The following IMPG2 variants were observed in gnomAD, a reference collection of about 807,000 sequenced individuals.
The protein encoded by IMPG2 is interphotoreceptor matrix proteoglycan 2, also known as IPM 200.
A neutral mutation model predicts 129.2 loss-of-function variants in IMPG2; 91 were observed. The ratio of observed to expected loss-of-function variants is 0.70; its 90% CI spans 0.59 to 0.84. The LOEUF is 0.84. Ranked by LOEUF, IMPG2 falls within the 40% of genes least tolerant of loss-of-function variation. IMPG2 has a pLI of 0.00. For synonymous variants in IMPG2, 510 were observed against 517.7 expected (o/e 0.99, Z 0.20); for missense variants, 1,430 against 1,461.7 (o/e 0.98, Z 0.35).
chr3:101,228,668 C>A, intron 18 of IMPG2, 129 bp downstream of exon 18: 2 of 750,354 alleles, frequency 2.7e-6, no homozygotes, highest in Admixed American at 2.1e-5. Context: ...AAGAACTCAA[C>A]AAATGTTGGT....
rs1359427378 is a variant in IMPG2, at chr3:101,232,938, G to A, written c.3076C>T (p.Leu1026=). ...GCTTCTCCACTCCAGGGGTTGACCAGACACTCTGAAAATTCATTACAGGCC... is the reference window on the plus strand; with the variant it reads ...GCTTCTCCACTCCAGGGGTTGACCAAACACTCTGAAAATTCATTACAGGCC... The part of the protein sequence containing the change: ...FQACNEFSEC[L]VNPWSGEAKC... The change falls in exon 15 of 19, where the codon CTG becomes TTG. Residue 1026 remains leucine, a synonymous_variant. Coordinates refer to ENST00000193391, the MANE Select transcript of IMPG2 (RefSeq NM_016247.4). 3.7e-6 allele frequency: 6 copies of A among 1,614,014 alleles called. No homozygotes were observed. The highest frequency in any genetic ancestry group is 5.1e-6 in the Non-Finnish European group (6 of 1,180,020).
intron 14 of IMPG2, among the ~76,000 whole-genome samples, chr3:101,242,023 C>T (rs1327326085): frequency 6.6e-6 from 1 of 150,530 alleles, no homozygotes; most frequent in Non-Finnish European, 1.5e-5. Flanking sequence ...GAGTGAAACA[C>T]CATCTCAAAA....
chr3:101,312,296 A>G (rs1043427036), intron 2 of IMPG2, among the ~76,000 whole-genome samples: 3 of 152,158 alleles, frequency 2.0e-5, no homozygotes, highest in African/African-American at 7.2e-5. Flanking sequence ...AGGGATTTAT[A>G]GCCAGAATAA....
intron 3 of IMPG2, among the ~76,000 whole-genome samples, chr3:101,303,595 G>A (rs574028679): frequency 6.6e-6 from 1 of 152,328 alleles, no homozygotes; most frequent in East Asian, 1.9e-4. Flanking sequence ...AAAGGGAAAA[G>A]TGGCAGGTAA....
intron 9 of IMPG2, among the ~76,000 whole-genome samples, chr3:101,260,959 T>C (rs1247281590): frequency 2.0e-5 from 3 of 152,188 alleles, no homozygotes; most frequent in Admixed American, 6.6e-5. Flanking sequence ...ATTGAATTTA[T>C]GCCACTTAAA....
intron 14 of IMPG2, 73 bp downstream of exon 14, chr3:101,242,615 C>A (rs1339756128): frequency 9.0e-7 from 1 of 1,110,682 alleles, no homozygotes; most frequent in Non-Finnish European, 1.4e-6. Flanking sequence ...CACCTTAATG[C>A]AATGAGGAAG....
chr3:101,268,727 G>C (rs1706747517), intron 8 of IMPG2, among the ~76,000 whole-genome samples: 1 of 152,080 alleles, frequency 6.6e-6, no homozygotes. Flanking sequence ...AGTTGAGATG[G>C]ATAACATCTA....
At chr3:101,318,307 A>G (rs778744243) in intron 2 of IMPG2, among the ~76,000 whole-genome samples, 2 of 151,908 alleles carry the variant, frequency 1.3e-5, no homozygotes, top group Non-Finnish European at 2.9e-5. Context: ...CATTTCTGGC[A>G]TATGGCCTAT....
At chr3:101,256,222 AAAT>A (rs1706607561) in intron 10 of IMPG2, among the ~76,000 whole-genome samples, 1 of 151,078 alleles carries the variant, frequency 6.6e-6, no homozygotes, top group Non-Finnish European at 1.5e-5. Context: ...AGAAAGAAAA[AAAT>A]ATCTTATTTG....
At position 101,256,064 on chromosome 3, in the gene IMPG2, AAAAAG is replaced by A. The variant is rs200037978; in HGVS notation, c.1153+1460_1153+1464del. ...TTAGTCTGGCCTCTCAAGAAAAAGA[AAAAAG>A]AAAAGAAAAGAAAAGAAAGAGAAAG... is the stretch of plus-strand genomic sequence containing the variant. On this transcript the variant is annotated intron_variant, in intron 10 of 18. Transcript: ENST00000193391. 9.3e-3 allele frequency among the ~76,000 whole-genome samples: 1,398 copies of A among 150,766 alleles called. 26 individuals are homozygous for A. The highest frequency in any genetic ancestry group is 0.032 in the African/African-American group (1,287 of 40,788).
rs1305022125 is a variant in IMPG2 at position 101,228,828 on chromosome 3, C to T, written c.3682G>A (p.Glu1228Lys). 1.2e-6 allele frequency: 2 copies of T among 1,613,980 alleles called. No individual in the cohort carries two copies. Among genetic ancestry groups the T allele is most frequent in the Admixed American group, 3.3e-5 (2 of 59,996 alleles). ...TGCTCTCTCACAAAAGCTGCAAACT[C>T]AGGATCATTGGCATACAGTTCCAAA... is the stretch of plus-strand genomic sequence containing the variant. ...RVLELYANDP[E>K]FAAFVREQQV... The change falls in exon 18 of 19, where the codon GAG becomes AAG. Residue 1228 changes from glutamate to lysine, a missense_variant. Physicochemically the swap from Glu to Lys is moderately conservative, Grantham distance 56. Coordinates refer to ENST00000193391, the MANE Select transcript of IMPG2 (RefSeq NM_016247.4).
chr3:101,230,002 C>T (rs1706268823), intron 16 of IMPG2, among the ~76,000 whole-genome samples: 1 of 152,124 alleles, frequency 6.6e-6, no homozygotes, highest in South Asian at 2.1e-4. Context: ...GAAGCAGAGC[C>T]TCAATTAAAT....
chr3:101,291,159 A>T (rs1449515531), intron 4 of IMPG2, among the ~76,000 whole-genome samples: 1 of 152,224 alleles, frequency 6.6e-6, no homozygotes, highest in Non-Finnish European at 1.5e-5. Context: ...GTACAATTTC[A>T]TAACAATTTC....
Position 101,307,095 on chromosome 3 carries a change from C to G in IMPG2, c.335-2783G>C, listed in dbSNP as rs116100847. Reference sequence around the variant, plus strand: ...AATAGGTAAAAGGCTGGAATATATACTTCACAAAGGAAGAGATAAAAATAG... The same window carrying G: ...AATAGGTAAAAGGCTGGAATATATAGTTCACAAAGGAAGAGATAAAAATAG... On this transcript the variant is annotated intron_variant, in intron 2 of 18. Transcript: ENST00000193391. 9.6e-3 allele frequency among the ~76,000 whole-genome samples: 1,460 copies of G among 152,226 alleles called. 22 individuals carry two copies. The highest frequency in any genetic ancestry group is 0.033 in the African/African-American group (1,387 of 41,522).
chr3:101,253,258 C>T (rs2107229428), intron 11 of IMPG2, among the ~76,000 whole-genome samples: 1 of 152,260 alleles, frequency 6.6e-6, no homozygotes, highest in East Asian at 1.9e-4. Context: ...CCCTTCCATA[C>T]ACACACTGTT....
intron 9 of IMPG2, among the ~76,000 whole-genome samples, chr3:101,258,415 G>GT (rs903513750): frequency 4.6e-5 from 7 of 152,112 alleles, no homozygotes; most frequent in African/African-American, 1.4e-4. Context: ...CTATTATGAA[G>GT]TAATTTTTTT....
At chr3:101,315,502 A>T (rs569144579) in intron 2 of IMPG2, among the ~76,000 whole-genome samples, 1 of 152,130 alleles carries the variant, frequency 6.6e-6, no homozygotes, top group Non-Finnish European at 1.5e-5. Flanking sequence ...GCACAAAATT[A>T]TCAAAAATAT....
At chr3:101,256,316 T>TCACACA (rs571491261) in intron 10 of IMPG2, among the ~76,000 whole-genome samples, 1,800 of 151,604 alleles carry the variant, frequency 0.012, 20 homozygotes, top group Non-Finnish European at 0.016. Flanking sequence ...TCTGTCTCTC[T>TCACACA]CACACACACA....
In IMPG2 at chr3:101,226,463, G is replaced by T. The variant is rs1706225411; in HGVS notation, c.*506C>A. The T allele has an allele frequency of 6.6e-6, 1 of 151,946 alleles. No individual in the cohort carries two copies. Among genetic ancestry groups the T allele is most frequent in the Admixed American group, 6.6e-5 (1 of 15,262 alleles). 9.4% of individuals were successfully genotyped at this position (151,946 alleles called of 1,614,324 possible). On this transcript the variant is annotated 3_prime_UTR_variant, in exon 19 of 19. Transcript: ENST00000193391. Reference sequence around the variant, plus strand: ...TAGCAGTTTGATCAAAAAAAAGAAAGAATTTTATTTAGATGAATGCCTGAT... The same window carrying T: ...TAGCAGTTTGATCAAAAAAAAGAAATAATTTTATTTAGATGAATGCCTGAT...
Sources: gnomAD v4.1 joint callset for allele counts (sites outside exome capture counted in the v4.1 genomes callset) on GRCh38, gnomAD v4.1.1 for gene constraint, MANE v1.5 for transcripts, NCBI Gene and HGNC (gene_info 2026-07-23, HGNC 2026-07-21) for gene names.